Variants in TSPAN9 observed in about 807,000 individuals in gnomAD.
TSPAN9 encodes the protein tetraspanin-9.
TSPAN9 carries 16 observed loss-of-function variants against 31.0 expected under a neutral mutation model. The observed-to-expected ratio is 0.52, with a 90% confidence interval of 0.35 to 0.78. The LOEUF is 0.78. Ranked by LOEUF, TSPAN9 falls within the 30% of genes least tolerant of loss-of-function variation. The pLI is 0.01. For synonymous variants in TSPAN9, 145 were observed against 121.6 expected, an observed-to-expected ratio of 1.19 and a Z score of -1.27; for missense variants, 272 against 312.5, an observed-to-expected ratio of 0.87 and a Z score of 0.98.
intron 2 of TSPAN9, among the ~76,000 whole-genome samples, chr12:3,194,857 TC>T (rs368966391): frequency 9.1e-4 from 139 of 152,256 alleles, no homozygotes; most frequent in African/African-American, 3.2e-3. Context: ...CCCTGTAGCC[TC>T]CCCCCACCAT....
intron 2 of TSPAN9, 159 bp from the exon 3 acceptor site, chr12:3,201,018 C>G: frequency 1.6e-6 from 1 of 631,434 alleles, no homozygotes; most frequent in Non-Finnish European, 2.8e-6. Flanking sequence ...TCCGGCCGCC[C>G]GTTCGGCCGC....
intron 2 of TSPAN9, among the ~76,000 whole-genome samples, chr12:3,085,539 C>T (rs114794539): frequency 5.2e-4 from 79 of 152,254 alleles, no homozygotes; most frequent in African/African-American, 1.7e-3. Flanking sequence ...TTGCATTTCT[C>T]GTCATGCTCT....
intron 3 of TSPAN9, among the ~76,000 whole-genome samples, chr12:3,234,250 C>G (rs557221784): frequency 1.3e-5 from 2 of 152,322 alleles, no homozygotes; most frequent in Non-Finnish European, 2.9e-5. Context: ...TAAATCCTGG[C>G]CATCCTTTGA....
chr12:3,202,582 A>G (rs1039109898), intron 3 of TSPAN9, among the ~76,000 whole-genome samples: 4 of 152,136 alleles, frequency 2.6e-5, no homozygotes, highest in South Asian at 2.1e-4. Flanking sequence ...TTCCAGTCCA[A>G]TAGGGGCTGT....
chr12:3,239,915 G>T (rs2098395701), intron 3 of TSPAN9, among the ~76,000 whole-genome samples: 1 of 152,116 alleles, frequency 6.6e-6, no homozygotes, highest in East Asian at 1.9e-4. Flanking sequence ...TATATAGGGG[G>T]GGGACGAGGG....
At chr12:3,114,951 T>A (rs918126039) in intron 2 of TSPAN9, among the ~76,000 whole-genome samples, 3 of 152,126 alleles carry the variant, frequency 2.0e-5, no homozygotes, top group Non-Finnish European at 4.4e-5. Flanking sequence ...TTTGTCTATC[T>A]GAAGAGGACA....
intron 2 of TSPAN9, among the ~76,000 whole-genome samples, chr12:3,117,215 G>T (rs1049702041): frequency 6.6e-6 from 1 of 152,144 alleles, no homozygotes. Context: ...TTCCTGATGG[G>T]TGTTGCAAGG....
At chr12:3,196,538 G>C (rs532335290) in intron 2 of TSPAN9, among the ~76,000 whole-genome samples, 1 of 152,320 alleles carries the variant, frequency 6.6e-6, no homozygotes, top group African/African-American at 2.4e-5. Flanking sequence ...TTGTAGGGTT[G>C]TTATGAAGAT....
At chr12:3,115,630 T>C (rs1004107491) in intron 2 of TSPAN9, among the ~76,000 whole-genome samples, 2 of 152,150 alleles carry the variant, frequency 1.3e-5, no homozygotes, top group African/African-American at 4.8e-5. Context: ...ACTTATATCC[T>C]TATGCAGTGG....
intron 3 of TSPAN9, among the ~76,000 whole-genome samples, chr12:3,242,675 G>A (rs774199686): frequency 1.2e-3 from 179 of 152,354 alleles, no homozygotes; most frequent in Non-Finnish European, 1.9e-3. Flanking sequence ...GCGGTCACCG[G>A]GCGTGACTCA....
At chr12:3,095,683 C>T (rs1370270192) in intron 2 of TSPAN9, among the ~76,000 whole-genome samples, 2 of 150,626 alleles carry the variant, frequency 1.3e-5, no homozygotes, top group African/African-American at 4.9e-5. Context: ...AGAGGGGCTC[C>T]TCACTTCCCA....
intron 2 of TSPAN9, among the ~76,000 whole-genome samples, chr12:3,137,575 G>T (rs1362445290): frequency 6.6e-6 from 1 of 152,132 alleles, no homozygotes; most frequent in Non-Finnish European, 1.5e-5. Context: ...CAGTTCAAAG[G>T]CTTCTGCTTT....
At chr12:3,235,736 C>T (rs1332408320) in intron 3 of TSPAN9, among the ~76,000 whole-genome samples, 1 of 152,214 alleles carries the variant, frequency 6.6e-6, no homozygotes, top group Non-Finnish European at 1.5e-5. Context: ...TGTCCTGCAG[C>T]CAGTTTGGTG....
chr12:3,152,000 C>T (rs540797112), intron 2 of TSPAN9, among the ~76,000 whole-genome samples: 1 of 152,232 alleles, frequency 6.6e-6, no homozygotes, highest in Non-Finnish European at 1.5e-5. Context: ...AAGTAAATTT[C>T]CTGCAAATGG....
At chr12:3,179,530 G>A (rs2098357625) in intron 2 of TSPAN9, among the ~76,000 whole-genome samples, 1 of 152,196 alleles carries the variant, frequency 6.6e-6, no homozygotes, top group South Asian at 2.1e-4. Flanking sequence ...AGGAGGTGGT[G>A]TCTACTCTAG....
chr12:3,269,464 G>A (rs1189807906), intron 3 of TSPAN9, among the ~76,000 whole-genome samples: 20 of 131,410 alleles, frequency 1.5e-4, no homozygotes, highest in African/African-American at 5.3e-4. Context: ...CCCTCTGTGC[G>A]TTCCTGCAGC....
At chr12:3,133,541 C>G (rs986470312) in intron 2 of TSPAN9, among the ~76,000 whole-genome samples, 15 of 152,180 alleles carry the variant, frequency 9.9e-5, no homozygotes, top group African/African-American at 3.6e-4. Flanking sequence ...GCCTTTCATT[C>G]CAATGCAGTC....
chr12:3,278,743 C>T (rs536275071), intron 4 of TSPAN9, 131 bp downstream of exon 4: 23 of 1,294,106 alleles, frequency 1.8e-5, no homozygotes, highest in South Asian at 1.2e-4. Flanking sequence ...GCTTCTAGAA[C>T]GTTCTAGGCT....
intron 2 of TSPAN9, among the ~76,000 whole-genome samples, chr12:3,137,681 T>C (rs1463942281): frequency 6.6e-6 from 1 of 152,164 alleles, no homozygotes; most frequent in Non-Finnish European, 1.5e-5. Context: ...CCTGTTGTGC[T>C]CCTGGCAGTA....
Sources: allele counts gnomAD v4.1 joint callset (sites outside exome capture counted in the v4.1 genomes callset), GRCh38; gene constraint gnomAD v4.1.1; transcripts MANE v1.5; gene names NCBI Gene and HGNC (gene_info 2026-07-23, HGNC 2026-07-21).